The following CLSTN2 variants were observed in gnomAD, a reference collection of about 807,000 sequenced individuals.
CLSTN2 encodes the protein calsyntenin 2.
Under a neutral mutation model 101.2 loss-of-function variants are expected in CLSTN2, and 48 were observed. The observed-to-expected ratio is 0.47, with a 90% CI of 0.38 to 0.60. CLSTN2 has a LOEUF of 0.60. CLSTN2 is among the 20% of genes least tolerant of loss of function. The probability of loss-of-function intolerance (pLI) is 0.00; values close to 1 mark genes in which losing one functional copy is unlikely to be tolerated. For synonymous variants in CLSTN2, 481 were observed against 463.6 expected, an observed-to-expected ratio of 1.04 and a Z score of -0.48; for missense variants, 1,160 against 1,238.2, an observed-to-expected ratio of 0.94 and a Z score of 0.95.
intron 2 of CLSTN2, among the ~76,000 whole-genome samples, chr3:140,346,232 CTGTT>C (rs2087544993): frequency 6.6e-6 from 1 of 152,208 alleles, no homozygotes; most frequent in African/African-American, 2.4e-5. Flanking sequence ...AGTTACCACA[CTGTT>C]TATTAACATT....
In CLSTN2 at chr3:140,427,205, G is replaced by A. The variant is rs6778014; in HGVS notation, c.787+5931G>A. Among the ~76,000 whole-genome samples the A allele has an allele frequency of 4.1e-3, 320 of 78,550 alleles. 4 individuals carry two copies. Among genetic ancestry groups the A allele is most frequent in the African/African-American group, 0.019 (197 of 10,204 alleles). 51.5% of individuals were successfully genotyped at this position (78,550 alleles called of 152,430 possible). A position where few individuals can be genotyped will look rare whatever the true frequency, so the allele number is the denominator to read the frequency against. ...AAAAAATATATATATATATATATATGTGTATATATATATATATATGTGTGT... is the reference window on the plus strand; with the variant it reads ...AAAAAATATATATATATATATATATATGTATATATATATATATATGTGTGT... On this transcript the variant is annotated intron_variant, in intron 5 of 16. Coordinates refer to ENST00000458420, the MANE Select transcript of CLSTN2 (RefSeq NM_022131.3).
intron 2 of CLSTN2, among the ~76,000 whole-genome samples, chr3:140,217,387 C>G (rs1317554425): frequency 6.6e-6 from 1 of 152,174 alleles, no homozygotes; most frequent in Non-Finnish European, 1.5e-5. Flanking sequence ...AACCTGTAAC[C>G]TGCCCCCAAG....
At chr3:140,547,895 A>G (rs1314794444) in intron 10 of CLSTN2, among the ~76,000 whole-genome samples, 1 of 152,216 alleles carries the variant, frequency 6.6e-6, no homozygotes, top group Non-Finnish European at 1.5e-5. Context: ...GGACAGCCCC[A>G]TGAAGCCCCA....
intron 2 of CLSTN2, among the ~76,000 whole-genome samples, chr3:140,279,361 G>T (rs2107895400): frequency 6.6e-6 from 1 of 152,330 alleles, no homozygotes; most frequent in Non-Finnish European, 1.5e-5. Flanking sequence ...TCCTTCTAGG[G>T]ATGTGGTTCA....
chr3:140,224,711 G>A (rs1443169826), intron 2 of CLSTN2, among the ~76,000 whole-genome samples: 1 of 152,148 alleles, frequency 6.6e-6, no homozygotes, highest in Non-Finnish European at 1.5e-5. Flanking sequence ...CCAGTCCTGT[G>A]TCAGAGGATC....
chr3:140,076,652 T>C (rs926647799), intron 1 of CLSTN2, among the ~76,000 whole-genome samples: 2 of 123,656 alleles, frequency 1.6e-5, no homozygotes, highest in African/African-American at 2.9e-5. Context: ...TTTTTTTTTT[T>C]TCCTAGCCTT....
At chr3:140,450,594 G>C (rs1482416308) in intron 6 of CLSTN2, among the ~76,000 whole-genome samples, 1 of 152,136 alleles carries the variant, frequency 6.6e-6, no homozygotes, top group Non-Finnish European at 1.5e-5. Context: ...GGAGGTAACT[G>C]CATCTCCTCC....
chr3:140,138,194 C>T (rs2009643824), intron 1 of CLSTN2, among the ~76,000 whole-genome samples: 1 of 152,106 alleles, frequency 6.6e-6, no homozygotes, highest in African/African-American at 2.4e-5. Context: ...TTAAAAGTAC[C>T]CCAAATGACA....
intron 2 of CLSTN2, among the ~76,000 whole-genome samples, chr3:140,365,541 T>A (rs2087777750): frequency 6.6e-6 from 1 of 152,198 alleles, no homozygotes; most frequent in Non-Finnish European, 1.5e-5. Flanking sequence ...TTTCCTCCCA[T>A]GTCCTTCCCA....
At chr3:140,119,205 G>A (rs1336183780) in intron 1 of CLSTN2, among the ~76,000 whole-genome samples, 4 of 152,186 alleles carry the variant, frequency 2.6e-5, no homozygotes, top group Non-Finnish European at 5.9e-5. Context: ...TCCTAGATTA[G>A]AAGCAGAAAA....
At chr3:140,450,857 C>T (rs988170812) in intron 6 of CLSTN2, among the ~76,000 whole-genome samples, 6 of 152,126 alleles carry the variant, frequency 3.9e-5, no homozygotes, top group Non-Finnish European at 8.8e-5. Flanking sequence ...TTCCATTTTT[C>T]ACGTCACCAG....
intron 1 of CLSTN2, among the ~76,000 whole-genome samples, chr3:140,092,273 C>T (rs2008792191): frequency 6.6e-6 from 1 of 152,186 alleles, no homozygotes; most frequent in Admixed American, 6.5e-5. Context: ...TTTGGACATG[C>T]TGGATAATTC....
At chr3:140,048,472 G>A in intron 1 of CLSTN2, among the ~76,000 whole-genome samples, 1 of 152,194 alleles carries the variant, frequency 6.6e-6, no homozygotes, top group Non-Finnish European at 1.5e-5. Context: ...AATGGTAGCT[G>A]ACCCAAAGTA....
At chr3:140,179,946 G>A (rs778457750) in intron 2 of CLSTN2, among the ~76,000 whole-genome samples, 11 of 152,254 alleles carry the variant, frequency 7.2e-5, no homozygotes, top group African/African-American at 1.4e-4. Flanking sequence ...CAGAAAAGTT[G>A]TATGAGTTTG....
chr3:140,221,123 C>T (rs962112269), intron 2 of CLSTN2, among the ~76,000 whole-genome samples: 26 of 152,156 alleles, frequency 1.7e-4, no homozygotes, highest in Admixed American at 6.5e-5. Flanking sequence ...GCTCAGGGGA[C>T]CCTGGTAGAG....
At chr3:140,401,773 A>G (rs1184959744) in intron 2 of CLSTN2, among the ~76,000 whole-genome samples, 1 of 152,218 alleles carries the variant, frequency 6.6e-6, no homozygotes, top group East Asian at 1.9e-4. Context: ...GAGAGAATCA[A>G]AAAGCAGCTA....
rs538834050 is a variant in CLSTN2, at chr3:140,528,365, A to G, written c.1345-3959A>G. On this transcript the variant is annotated intron_variant, in intron 8 of 16. Coordinates refer to ENST00000458420, the MANE Select transcript of CLSTN2 (RefSeq NM_022131.3). ...CTTGCAGCCTTATTGCACACTCTTC[A>G]CCTTTTGCAAATGCAGCCTGACAAC... Among the ~76,000 whole-genome samples, 4 of 152,084 alleles carry G rather than the reference A, an allele frequency of 2.6e-5. No homozygotes were observed. In the South Asian group the frequency reaches 6.2e-4, roughly 24 times the overall value.
intron 1 of CLSTN2, among the ~76,000 whole-genome samples, chr3:140,016,793 G>GAAAAAA (rs56040791): frequency 2.2e-5 from 2 of 89,278 alleles, no homozygotes; most frequent in Non-Finnish European, 4.0e-5. Context: ...GTGAGACTCT[G>GAAAAAA]AAAAAAAAAA....
At chr3:139,980,492 G>A (rs1160704026) in intron 1 of CLSTN2, among the ~76,000 whole-genome samples, 4 of 151,986 alleles carry the variant, frequency 2.6e-5, no homozygotes, top group Non-Finnish European at 4.4e-5. Context: ...CTCTTTGTGT[G>A]TTTGTCTCTT....
Sources: gnomAD v4.1 joint callset for allele counts (sites outside exome capture counted in the v4.1 genomes callset) on GRCh38, gnomAD v4.1.1 for gene constraint, MANE v1.5 for transcripts, NCBI Gene and HGNC (gene_info 2026-07-23, HGNC 2026-07-21) for gene names.